The following SLC26A9 variants were observed in gnomAD, a reference collection of about 807,000 sequenced individuals.
SLC26A9 encodes the protein solute carrier family 26 member 9.
A neutral mutation model predicts 87.1 loss-of-function variants in SLC26A9; 46 were observed. That is an observed-to-expected ratio of 0.53 (90% CI 0.42 to 0.67). SLC26A9 has a LOEUF of 0.67. SLC26A9 is among the 30% of genes least tolerant of loss of function. The pLI is 0.00. For synonymous variants in SLC26A9, 437 were observed against 409.1 expected (o/e 1.07, Z -0.82); for missense variants, 927 against 1,018.3 (o/e 0.91, Z 1.22).
rs1173542270 is a variant in SLC26A9, at chr1:205,915,141, A to G, written c.*216T>C. 1.2e-6 allele frequency: 2 copies of G among 1,612,834 alleles called. No homozygotes were observed. The highest frequency in any genetic ancestry group is 2.2e-5 in the South Asian group (2 of 91,002). On this transcript the variant is annotated 3_prime_UTR_variant, in exon 21 of 21. Transcript: ENST00000367135. ...TGAAGAGTGGGCTCACCAGACTCTC[A>G]CTCCTGTAAGGGTAGCACCCCCCTG...
In SLC26A9 at chr1:205,929,245, T is replaced by C. The variant is rs1195436409; in HGVS notation, c.829A>G (p.Met277Val). 1.9e-6 allele frequency: 3 copies of C among 1,614,160 alleles called. No homozygotes were observed. Among genetic ancestry groups the C allele is most frequent in the African/African-American group, 2.7e-5 (2 of 75,038 alleles). ...VLVKELNARY[M>V]HKIRFPIPTE... is the part of the protein sequence containing the mutation. The stretch of plus-strand genomic sequence containing the variant: ...GGGATGGGGAAGCGAATCTTGTGCA[T>C]GTAGCGAGCATTGAGCTCCTTCACC... The change falls in exon 7 of 21, where the codon ATG (methionine) becomes GTG (valine). Residue 277 changes from methionine (M) to valine (V), a missense_variant. Met to Val is a conservative substitution (Grantham distance 21). Transcript: ENST00000367135.
At position 205,915,232 on chromosome 1, in the gene SLC26A9, G is replaced by C. The variant is rs778017076; in HGVS notation, c.*125C>G. 1 of 1,602,454 alleles carries C rather than the reference G, an allele frequency of 6.2e-7. No individual in the cohort carries two copies. The highest frequency in any genetic ancestry group is 1.1e-5 in the South Asian group (1 of 89,220). On this transcript the variant is annotated 3_prime_UTR_variant, in exon 21 of 21. Transcript: ENST00000367135. ...AGGGAGGAGAGAGGGGGAGAGGAGA[G>C]AGGAACCCAAGCTCTGGGGGATGCA...
chr1:205,913,523 A>G lies in SLC26A9; in HGVS notation c.*1834T>C, dbSNP rs1013933449. 1 of 152,622 alleles carries G rather than the reference A, an allele frequency of 6.6e-6. No homozygotes were observed. Among genetic ancestry groups the G allele is most frequent in the African/African-American group, 2.4e-5 (1 of 41,438 alleles). The allele number at this position is 152,622 out of a possible 1,614,324, so 9.5% of individuals were successfully genotyped here. On this transcript the variant is annotated 3_prime_UTR_variant, in exon 21 of 21. Transcript: ENST00000367135. ...CAGGGGATCTAGATACTTGGTTCAA[A>G]GGGGACTCTGACTTGGAAATTCCTG...
chr1:205,915,518 CTGTGTGTGTGTG>C (rs113527464), intron 20 of SLC26A9, 114 bp from the exon 21 acceptor site: 18 of 870,196 alleles, frequency 2.1e-5, no homozygotes, highest in African/African-American at 1.7e-4. Flanking sequence ...AACAAAGCAC[CTGTGTGTGTGTG>C]TGTGTGTGTG....
chr1:205,933,794 TG>T (rs1296745795), intron 2 of SLC26A9, among the ~76,000 whole-genome samples: 6 of 152,176 alleles, frequency 3.9e-5, no homozygotes, highest in Admixed American at 3.9e-4. Flanking sequence ...GTTAATTCAC[TG>T]GGCAGCAGAG....
At position 205,915,124 on chromosome 1, in the gene SLC26A9, G is replaced by C; in HGVS notation, c.*233C>G. On this transcript the variant is annotated 3_prime_UTR_variant, in exon 21 of 21. Transcript: ENST00000367135. ...GGCCAGGGCCTGACGGGTGAAGAGT[G>C]GGCTCACCAGACTCTCACTCCTGTA... is the stretch of plus-strand genomic sequence containing the variant. The C allele has an allele frequency of 6.2e-7, 1 of 1,613,798 alleles. No individual in the cohort carries two copies. Among genetic ancestry groups the C allele is most frequent in the East Asian group, 2.2e-5 (1 of 44,872 alleles).
intron 1 of SLC26A9, among the ~76,000 whole-genome samples, chr1:205,937,962 A>T (rs180976094): frequency 6.6e-6 from 1 of 152,076 alleles, no homozygotes; most frequent in African/African-American, 2.4e-5. Context: ...AGAGGAGGTG[A>T]TGGGTGATCT....
intron 10 of SLC26A9, 97 bp from the exon 11 acceptor site, chr1:205,927,385 G>A (rs745583951): frequency 1.5e-5 from 23 of 1,553,388 alleles, no homozygotes; most frequent in Admixed American, 3.4e-5. Flanking sequence ...AGACTAAGAC[G>A]GGAAGAAGGG....
At position 205,923,650 on chromosome 1, in the gene SLC26A9, C is replaced by T. The variant is rs776079846; in HGVS notation, c.1497-37G>A. ...AGGAAGAGAAAAACATAAGAGAATG[C>T]TAATGGCACATGGGCCTGGAAGGGT... On this transcript the variant is annotated intron_variant, in intron 13 of 20. Transcript: ENST00000367135. The T allele has an allele frequency of 6.8e-6, 11 of 1,613,210 alleles. No individual in the cohort carries two copies. The African/African-American group carries it at 1.2e-4, about 18-fold the overall frequency.
intron 6 of SLC26A9, 52 bp from the exon 7 acceptor site, chr1:205,929,408 AC>A: frequency 1.3e-6 from 2 of 1,591,904 alleles, no homozygotes; most frequent in South Asian, 2.3e-5. Context: ...TTCCCATAAT[AC>A]CCCACCTTTG....
At position 205,914,663 on chromosome 1, in the gene SLC26A9, T is replaced by G; in HGVS notation, c.*694A>C. Reference sequence around the variant, plus strand: ...CCTTAGTGGGCTGTCCCCGGGGAGGTAGCTCTGGTGGTCTCGACGGTCCTG... The same window carrying G: ...CCTTAGTGGGCTGTCCCCGGGGAGGGAGCTCTGGTGGTCTCGACGGTCCTG... On this transcript the variant is annotated 3_prime_UTR_variant, in exon 21 of 21. Transcript: ENST00000367135. The G allele has an allele frequency of 2.0e-6, 1 of 500,372 alleles. No individual in the cohort carries two copies. The allele number at this position is 500,372 out of a possible 1,614,324, so 31.0% of individuals were successfully genotyped here.
chr1:205,915,064 G>A lies in SLC26A9; in HGVS notation c.*293C>T. 3 of 1,614,204 alleles carry A rather than the reference G, an allele frequency of 1.9e-6. No individual in the cohort carries two copies. Among genetic ancestry groups the A allele is most frequent in the Non-Finnish European group, 2.5e-6 (3 of 1,180,046 alleles). ...AGCTGCCAAGGACAGGGCAGAGGTG[G>A]GTGGGGTGGAGTGAGCAGGAGGCTT... On this transcript the variant is annotated 3_prime_UTR_variant, in exon 21 of 21. Transcript: ENST00000367135.
At chr1:205,932,139 C>T (rs1299488775) in intron 4 of SLC26A9, 104 bp from the exon 5 acceptor site, 1 of 1,362,180 alleles carries the variant, frequency 7.3e-7, no homozygotes, top group Non-Finnish European at 1.0e-6. Flanking sequence ...GGATGGATCC[C>T]TGCACCTCCA....
chr1:205,932,895 G>T, intron 3 of SLC26A9, 50 bp downstream of exon 3: 1 of 1,610,588 alleles, frequency 6.2e-7, no homozygotes, highest in Non-Finnish European at 8.5e-7. Flanking sequence ...ATGAGGAGAG[G>T]AATGGTGAGG....
At position 205,913,212 on chromosome 1, in the gene SLC26A9, A is replaced by C. The variant is rs1397789059; in HGVS notation, c.*2145T>G. ...ACTAAGAACATTCAAAAGCATTGAA[A>C]TTCTGGATTATTTCACTACTTTGCC... On this transcript the variant is annotated 3_prime_UTR_variant, in exon 21 of 21. Coordinates refer to ENST00000367135, the MANE Select transcript of SLC26A9 (RefSeq NM_052934.4). The C allele has an allele frequency of 1.3e-5, 2 of 152,260 alleles. No individual in the cohort carries two copies. The highest frequency in any genetic ancestry group is 2.9e-5 in the Non-Finnish European group (2 of 68,044). 9.4% of individuals were successfully genotyped at this position (152,260 alleles called of 1,614,324 possible).
intron 20 of SLC26A9, 57 bp from the exon 21 acceptor site, chr1:205,915,461 G>T (rs1436832379): frequency 1.1e-5 from 18 of 1,612,074 alleles, no homozygotes; most frequent in Non-Finnish European, 1.4e-5. Context: ...ACCAGTTGGG[G>T]TCACAGTGGC....
intron 9 of SLC26A9, 49 bp from the exon 10 acceptor site, chr1:205,927,654 G>T: frequency 1.9e-6 from 3 of 1,551,846 alleles, no homozygotes; most frequent in Non-Finnish European, 1.8e-6. Flanking sequence ...TGGGGGGCAC[G>T]GGGACCAAGT....
chr1:205,913,503 G>A lies in SLC26A9; in HGVS notation c.*1854C>T, dbSNP rs895038843. On this transcript the variant is annotated 3_prime_UTR_variant, in exon 21 of 21. Coordinates refer to ENST00000367135, the MANE Select transcript of SLC26A9 (RefSeq NM_052934.4). ...GGATCACTTCATCAAGTCCTCAGGG[G>A]ATCTAGATACTTGGTTCAAAGGGGA... 2 of 152,562 alleles carry A rather than the reference G, an allele frequency of 1.3e-5. No homozygotes were observed. Among genetic ancestry groups the A allele is most frequent in the Non-Finnish European group, 2.9e-5 (2 of 68,028 alleles). The allele number at this position is 152,562 out of a possible 1,614,324, so 9.5% of individuals were successfully genotyped here. A position where few individuals can be genotyped will look rare whatever the true frequency, so the allele number is the denominator to read the frequency against.
At chr1:205,939,569 A>G (rs575339530) in intron 1 of SLC26A9, among the ~76,000 whole-genome samples, 47 of 152,240 alleles carry the variant, frequency 3.1e-4, no homozygotes, top group African/African-American at 1.0e-3. Context: ...GGGACGTAGA[A>G]GACAAGGGTA....
Sources: gnomAD v4.1 joint callset for allele counts (sites outside exome capture counted in the v4.1 genomes callset) on GRCh38, gnomAD v4.1.1 for gene constraint, MANE v1.5 for transcripts, NCBI Gene and HGNC (gene_info 2026-07-23, HGNC 2026-07-21) for gene names.